The following STPG2 variants were observed in gnomAD, a reference collection of about 807,000 sequenced individuals.
STPG2 encodes the protein sperm tail PG-rich repeat containing 2.
In STPG2, 56 loss-of-function variants were observed where a neutral mutation model predicts 54.2. The observed-to-expected ratio is 1.03, with a 90% CI of 0.83 to 1.29. The LOEUF (loss-of-function observed/expected upper bound fraction) is 1.29. STPG2 is among the 50% of genes most tolerant of loss of function. The probability of loss-of-function intolerance (pLI) is 0.00; values close to 1 mark genes in which losing one functional copy is unlikely to be tolerated. For synonymous variants in STPG2, 200 were observed against 181.8 expected (o/e 1.10, Z -0.81); for missense variants, 596 against 544.9 (o/e 1.09, Z -0.93).
At chr4:97,881,592 G>A (rs1031978535) in intron 8 of STPG2, among the ~76,000 whole-genome samples, 1 of 152,062 alleles carries the variant, frequency 6.6e-6, no homozygotes, top group Non-Finnish European at 1.5e-5. Flanking sequence ...ATAATATTCT[G>A]CCTCATTTAC....
intron 10 of STPG2, among the ~76,000 whole-genome samples, chr4:97,599,836 A>G (rs1733411349): frequency 6.6e-6 from 1 of 150,720 alleles, no homozygotes; most frequent in Non-Finnish European, 1.5e-5. Context: ...AAAAAAAAAA[A>G]AGAAAAGAAA....
At chr4:97,714,138 A>C (rs571313537) in intron 9 of STPG2, among the ~76,000 whole-genome samples, 1 of 152,302 alleles carries the variant, frequency 6.6e-6, no homozygotes, top group Admixed American at 6.5e-5. Context: ...GATATTAATA[A>C]AATACAAAAT....
intron 8 of STPG2, among the ~76,000 whole-genome samples, chr4:97,856,652 T>C (rs974578678): frequency 1.3e-5 from 2 of 152,304 alleles, no homozygotes; most frequent in South Asian, 4.1e-4. Flanking sequence ...ATGCTTTATT[T>C]CTTTTTCTTG....
chr4:97,546,490 C>T (rs1005252256), intron 4 of STPG2, among the ~76,000 whole-genome samples: 9 of 151,902 alleles, frequency 5.9e-5, no homozygotes, highest in South Asian at 2.1e-4. Context: ...ATAGTGATAG[C>T]TGAAGATGCT....
rs147355803 is a variant in STPG2, at chr4:97,791,572, T to A, written c.1204+49201A>T. Among the ~76,000 whole-genome samples, 305 of 152,258 alleles carry A rather than the reference T, an allele frequency of 2.0e-3. 1 individual carries two copies. The highest frequency in any genetic ancestry group is 6.9e-3 in the African/African-American group (285 of 41,572). On this transcript the variant is annotated intron_variant, in intron 9 of 10. Coordinates refer to ENST00000295268, the MANE Select transcript of STPG2 (RefSeq NM_174952.3). ...ACATTGAAGTCTCAAGCTGATAAGT[T>A]TTCCTTACAAATTTTTTACAAATAT... is the stretch of plus-strand genomic sequence containing the variant.
chr4:98,018,369 AG>A (rs1736043884), intron 5 of STPG2, among the ~76,000 whole-genome samples: 1 of 152,192 alleles, frequency 6.6e-6, no homozygotes, highest in African/African-American at 2.4e-5. Context: ...ATGGCTGCAT[AG>A]TATTCCATGG....
intron 7 of STPG2, among the ~76,000 whole-genome samples, chr4:97,964,754 C>T (rs1183714211): frequency 2.0e-5 from 3 of 152,136 alleles, no homozygotes; most frequent in Admixed American, 1.3e-4. Flanking sequence ...CTTAAAATCA[C>T]ACTATACATC....
rs926049006 is a variant in STPG2, at chr4:97,458,362, G to A, written c.462+254337C>T. Among the ~76,000 whole-genome samples, 4 of 152,112 alleles carry A rather than the reference G, an allele frequency of 2.6e-5. No homozygotes were observed. The South Asian group carries it at 8.3e-4, about 32-fold the overall frequency. ...ATTTCGTTGAAATTATGATGAATGA[G>A]TTTGAAATATGAATTATAATTGAGG... On this transcript the variant is annotated intron_variant, in intron 4 of 4. Coordinates refer to the STPG2 transcript ENST00000522676.
intron 4 of STPG2, among the ~76,000 whole-genome samples, chr4:97,501,231 A>T (rs753540813): frequency 3.3e-5 from 5 of 152,078 alleles, no homozygotes; most frequent in Non-Finnish European, 7.4e-5. Context: ...AATCGTCTTA[A>T]AAGGTGGAAA....
At chr4:97,675,940 T>C (rs1722825928) in intron 10 of STPG2, among the ~76,000 whole-genome samples, 1 of 146,510 alleles carries the variant, frequency 6.8e-6, no homozygotes, top group South Asian at 2.1e-4. Flanking sequence ...GTATATGCTA[T>C]ATATATAGTA....
At chr4:97,968,525 T>C (rs1734201089) in intron 7 of STPG2, among the ~76,000 whole-genome samples, 1 of 151,912 alleles carries the variant, frequency 6.6e-6, no homozygotes, top group African/African-American at 2.4e-5. Flanking sequence ...AACATCAATG[T>C]AAAAATCCTC....
chr4:97,690,360 C>G (rs747894154), intron 10 of STPG2, among the ~76,000 whole-genome samples: 24 of 152,174 alleles, frequency 1.6e-4, no homozygotes, highest in Non-Finnish European at 2.6e-4. Flanking sequence ...CTGTAGGCCA[C>G]TGACAACAGG....
intron 9 of STPG2, among the ~76,000 whole-genome samples, chr4:97,807,873 C>T (rs1018850792): frequency 6.6e-6 from 1 of 151,758 alleles, no homozygotes; most frequent in African/African-American, 2.4e-5. Flanking sequence ...AAACCAAAGA[C>T]AATGAGAAAA....
Position 98,023,202 on chromosome 4 carries a change from A to G in STPG2, c.613-41884T>C, listed in dbSNP as rs146192175. On this transcript the variant is annotated intron_variant, in intron 5 of 10. Coordinates refer to ENST00000295268, the MANE Select transcript of STPG2 (RefSeq NM_174952.3). Reference sequence around the variant, plus strand: ...AAGTACAGATGTGTTTTTGGGGTGGATGTCCTTTCTGTTTGTTAGTTTTCC... The same window carrying G: ...AAGTACAGATGTGTTTTTGGGGTGGGTGTCCTTTCTGTTTGTTAGTTTTCC... Among the ~76,000 whole-genome samples, 322 of 152,206 alleles carry G rather than the reference A, an allele frequency of 2.1e-3. 6 individuals carry two copies. The East Asian group carries it at 0.032, about 15-fold the overall frequency.
chr4:97,843,175 G>T (rs58124604), intron 8 of STPG2, among the ~76,000 whole-genome samples: 2,659 of 147,956 alleles, frequency 0.018, 71 homozygotes, highest in African/African-American at 0.061. Flanking sequence ...TTTTTTGGTG[G>T]TTTTTTTTTT....
In STPG2 at chr4:97,938,187, G is replaced by T. The variant is rs1279286525; in HGVS notation, c.1044+5710C>A. ...GGCCATGATCTGCCACAGCTGGTATGCTGCGCTGTGGGGAATATCTCCTGG... is the reference window on the plus strand; with the variant it reads ...GGCCATGATCTGCCACAGCTGGTATTCTGCGCTGTGGGGAATATCTCCTGG... On this transcript the variant is annotated intron_variant, in intron 8 of 10. Coordinates refer to ENST00000295268, the MANE Select transcript of STPG2 (RefSeq NM_174952.3). Among the ~76,000 whole-genome samples the T allele has an allele frequency of 1.3e-5, 2 of 152,190 alleles. 1 individual carries two copies. The highest frequency in any genetic ancestry group is 4.1e-4 in the South Asian group (2 of 4,834).
intron 1 of STPG2, among the ~76,000 whole-genome samples, chr4:98,141,717 G>A (rs1477898782): frequency 6.6e-6 from 1 of 152,058 alleles, no homozygotes; most frequent in Admixed American, 6.5e-5. Context: ...ACCTCCTGAG[G>A]GCTGTGTCAC....
chr4:97,973,063 G>T (rs1435385710), intron 6 of STPG2, among the ~76,000 whole-genome samples: 1 of 152,194 alleles, frequency 6.6e-6, no homozygotes, highest in Non-Finnish European at 1.5e-5. Flanking sequence ...TTGGAACTGG[G>T]TAACAGGCAT....
At chr4:97,538,463 G>A (rs1348348697) in intron 4 of STPG2, among the ~76,000 whole-genome samples, 1 of 152,202 alleles carries the variant, frequency 6.6e-6, no homozygotes, top group Non-Finnish European at 1.5e-5. Context: ...TCAAATGAAT[G>A]AAATGAAGCA....
Sources: allele counts gnomAD v4.1 joint callset (sites outside exome capture counted in the v4.1 genomes callset), GRCh38; gene constraint gnomAD v4.1.1; transcripts MANE v1.5; gene names NCBI Gene and HGNC (gene_info 2026-07-23, HGNC 2026-07-21).